The following NECAB2 variants were observed in gnomAD, a reference collection of about 807,000 sequenced individuals.
NECAB2 encodes N-terminal EF-hand calcium-binding protein 2.
In NECAB2, 68 loss-of-function variants were observed where a neutral mutation model predicts 51.9. The ratio of observed to expected loss-of-function variants is 1.31; its 90% confidence interval spans 1.08 to 1.60. The LOEUF (loss-of-function observed/expected upper bound fraction) is 1.60. NECAB2 is among the 40% of genes most tolerant of loss of function. The pLI, the probability that NECAB2 is intolerant of heterozygous loss-of-function variation, is 0.00. For synonymous variants in NECAB2, 329 were observed against 203.5 expected (o/e 1.62, Z -5.25); for missense variants, 854 against 490.3 (o/e 1.74, Z -7.00).
Position 84,002,604 on chromosome 16 carries a change from T to TG in NECAB2, c.*260dup. 1.7e-6 allele frequency: 1 copy of TG among 576,988 alleles called. No individual in the cohort carries two copies. The allele number at this position is 576,988 out of a possible 1,614,324, so 35.7% of individuals were successfully genotyped here. ...TCCTGGAGCCAGCACCCCTGCCTCC[T>TG]GGTCCTGGCCTCTCCCCTACCCCTC... On this transcript the variant is annotated 3_prime_UTR_variant, in exon 13 of 13. Transcript: ENST00000305202.
chr16:83,965,863 C>G (rs1442395017), upstream of NECAB2: 21 of 1,612,848 alleles, frequency 1.3e-5, no homozygotes, highest in Admixed American at 3.5e-4. Context: ...TTGACGTGGA[C>G]CCCTTCACCT....
At chr16:83,983,750 T>C (rs952437438) in intron 5 of NECAB2, among the ~76,000 whole-genome samples, 1 of 152,184 alleles carries the variant, frequency 6.6e-6, no homozygotes, top group Non-Finnish European at 1.5e-5. Flanking sequence ...TCTGTCTCCA[T>C]TGGGAGTGGA....
chr16:83,987,546 A>T (rs990449191), intron 5 of NECAB2, among the ~76,000 whole-genome samples: 1 of 152,038 alleles, frequency 6.6e-6, no homozygotes, highest in East Asian at 1.9e-4. Context: ...GCCTTTTTTT[A>T]TGTGTATTTC....
intron 10 of NECAB2, 63 bp downstream of exon 10, chr16:83,998,380 A>G (rs1436857994): frequency 1.3e-6 from 2 of 1,482,182 alleles, no homozygotes; most frequent in East Asian, 2.3e-5. Context: ...CAGTGGAGGA[A>G]CAGGGCAGGA....
intron 5 of NECAB2, among the ~76,000 whole-genome samples, chr16:83,982,994 G>A (rs1247737116): frequency 2.6e-5 from 4 of 151,446 alleles, no homozygotes; most frequent in South Asian, 2.1e-4. Flanking sequence ...TCAGCCTCCC[G>A]AGTAGCTGGG....
chr16:84,000,111 T>G (rs1309107359), intron 10 of NECAB2, among the ~76,000 whole-genome samples: 3 of 152,094 alleles, frequency 2.0e-5, no homozygotes, highest in South Asian at 4.2e-4. Context: ...AGGCTGGTCT[T>G]GAACTCCTGA....
intron 1 of NECAB2, 94 bp downstream of exon 1, chr16:83,968,943 G>A: frequency 1.2e-6 from 1 of 818,034 alleles, no homozygotes; most frequent in Non-Finnish European, 1.5e-6. Flanking sequence ...CGCGACCCGC[G>A]AGGCCCTCCC....
intron 6 of NECAB2, among the ~76,000 whole-genome samples, chr16:83,990,906 C>G (rs1242041829): frequency 6.6e-6 from 1 of 152,134 alleles, no homozygotes; most frequent in Non-Finnish European, 1.5e-5. Context: ...ATTTCCCAGA[C>G]TCTAATTTGT....
chr16:83,967,970 G>A (rs1172654130), upstream of NECAB2, among the ~76,000 whole-genome samples: 1 of 149,666 alleles, frequency 6.7e-6, no homozygotes, highest in African/African-American at 2.5e-5. Context: ...TGATGGACGG[G>A]TAGGCAGGTG....
chr16:83,994,671 G>C lies in NECAB2; in HGVS notation c.778G>C (p.Gly260Arg), dbSNP rs141651642. Residue 260 changes from glycine (G) to arginine (R), a missense_variant, in exon 8 of 13, where the codon GGG (glycine) becomes CGG (arginine). Gly to Arg is a moderately radical substitution (Grantham distance 125). Coordinates refer to ENST00000305202, the MANE Select transcript of NECAB2 (RefSeq NM_019065.3). The stretch of plus-strand genomic sequence containing the variant: ...GATCAGCCGCTTGGCAGAGCTGATT[G>C]GGAGGCTGGAGAGCAAAGTAAGCCC... ...AQISRLAELI[G>R]RLESKALWFD... The C allele has an allele frequency of 2.2e-5, 36 of 1,614,110 alleles. No individual in the cohort carries two copies. In the African/African-American group the frequency reaches 4.3e-4, roughly 19 times the overall value.
At chr16:83,977,277 C>T (rs1333359563) in intron 2 of NECAB2, among the ~76,000 whole-genome samples, 1 of 152,060 alleles carries the variant, frequency 6.6e-6, no homozygotes, top group Non-Finnish European at 1.5e-5. Context: ...CATAGTTTCT[C>T]TTAAGGAGGA....
At chr16:84,001,724 G>C in intron 11 of NECAB2, 101 bp from the exon 12 acceptor site, 10 of 1,302,664 alleles carry the variant, frequency 7.7e-6, no homozygotes, top group Non-Finnish European at 1.1e-5. Context: ...CGTGCTTATT[G>C]ATAAGCTCCC....
At chr16:83,973,950 A>G (rs1015064055) in intron 2 of NECAB2, among the ~76,000 whole-genome samples, 3 of 151,654 alleles carry the variant, frequency 2.0e-5, no homozygotes, top group African/African-American at 7.3e-5. Flanking sequence ...TGCAGTGTAT[A>G]CACTTGGGCA....
upstream of NECAB2, chr16:83,965,569 G>A: frequency 6.2e-7 from 1 of 1,612,938 alleles, no homozygotes; most frequent in Non-Finnish European, 8.5e-7. Context: ...TGCCCAAGAT[G>A]CTGTACCCCG....
intron 5 of NECAB2, among the ~76,000 whole-genome samples, chr16:83,985,575 G>A (rs1220111623): frequency 6.6e-6 from 1 of 151,608 alleles, no homozygotes; most frequent in Non-Finnish European, 1.5e-5. Flanking sequence ...GGAGGTTGCA[G>A]TGAGCCGAGA....
intron 3 of NECAB2, 55 bp from the exon 4 acceptor site, chr16:83,980,784 G>A (rs2084476923): frequency 2.6e-6 from 4 of 1,546,344 alleles, no homozygotes; most frequent in Admixed American, 3.9e-5. Flanking sequence ...GCAGGGTCAG[G>A]CCTGCTAACC....
intron 12 of NECAB2, 61 bp downstream of exon 12, chr16:84,001,977 A>C: frequency 6.4e-7 from 1 of 1,552,964 alleles, no homozygotes; most frequent in Non-Finnish European, 8.8e-7. Flanking sequence ...GCAAGAGCCT[A>C]GAGGCTGCCC....
chr16:83,995,965 C>G (rs1470238604), intron 8 of NECAB2, among the ~76,000 whole-genome samples: 3 of 152,242 alleles, frequency 2.0e-5, no homozygotes, highest in Non-Finnish European at 4.4e-5. Flanking sequence ...AACAACCAGG[C>G]TGGCTGGTAA....
At chr16:84,000,282 C>T (rs1022923301) in intron 10 of NECAB2, among the ~76,000 whole-genome samples, 2 of 150,576 alleles carry the variant, frequency 1.3e-5, no homozygotes, top group African/African-American at 5.0e-5. Context: ...GCAATCCTGG[C>T]ACTTTGGGAA....
Sources: allele counts gnomAD v4.1 joint callset (sites outside exome capture counted in the v4.1 genomes callset), GRCh38; gene constraint gnomAD v4.1.1; transcripts MANE v1.5; gene names NCBI Gene and HGNC (gene_info 2026-07-23, HGNC 2026-07-21).